Variants in KNDC1 observed in about 807,000 individuals in gnomAD.
KNDC1 encodes the protein kinase non-catalytic C-lobe domain-containing protein 1.
KNDC1 carries 106 observed loss-of-function variants against 172.8 expected under a neutral mutation model. The ratio of observed to expected loss-of-function variants is 0.61; its 90% CI spans 0.52 to 0.72. The LOEUF (loss-of-function observed/expected upper bound fraction) is 0.72. Ranked by LOEUF, KNDC1 falls within the 30% of genes least tolerant of loss-of-function variation. KNDC1 has a pLI of 0.00. For missense variants in KNDC1, 2,325 were observed against 2,394.5 expected (o/e 0.97, Z 0.61); for synonymous variants, 1,083 against 1,062.2 (o/e 1.02, Z -0.38).
At chr10:133,175,711 G>C (rs1438177134) in intron 3 of KNDC1, among the ~76,000 whole-genome samples, 1 of 150,652 alleles carries the variant, frequency 6.6e-6, no homozygotes, top group Non-Finnish European at 1.5e-5. Flanking sequence ...GTCGGATAGG[G>C]ATGGATGTGT....
Position 133,167,525 on chromosome 10 carries a change from G to A in KNDC1, c.247G>A (p.Asp83Asn), listed in dbSNP as rs760388933. 33 of 1,604,076 alleles carry A rather than the reference G, an allele frequency of 2.1e-5. 1 individual carries two copies. The highest frequency in any genetic ancestry group is 1.5e-4 in the Admixed American group (9 of 59,006). The change falls in exon 2 of 30, where the codon GAC becomes AAC. Residue 83 changes from aspartate to asparagine, a missense_variant. Transcript: ENST00000304613. Reference protein sequence around the residue: ...AIFQSLCITPDTLAFNTSGNV... With the variant: ...AIFQSLCITPNTLAFNTSGNV... ...CTTCCAGAGCCTGTGCATCACGCCC[G>A]ACACCCTGGCCTTCAACACCAGCGG...
intron 3 of KNDC1, among the ~76,000 whole-genome samples, chr10:133,181,732 G>A (rs1427076371): frequency 6.6e-6 from 1 of 152,132 alleles, no homozygotes; most frequent in Non-Finnish European, 1.5e-5. Flanking sequence ...AGTGCAGCTG[G>A]GGAGAGAGAA....
rs1170717468 is a variant in KNDC1 at position 133,208,571 on chromosome 10, A to G, written c.3794+1220A>G. ...CCGTTACCCCAAGGACCCTCTAGAG[A>G]GGGACGTGGCCCCACCTCCGACCCC... is the stretch of plus-strand genomic sequence containing the variant. On this transcript the variant is annotated intron_variant, in intron 20 of 29. Coordinates refer to ENST00000304613, the MANE Select transcript of KNDC1 (RefSeq NM_152643.8). Among the ~76,000 whole-genome samples, 2 of 101,872 alleles carry G rather than the reference A, an allele frequency of 2.0e-5. 1 individual carries two copies. Among genetic ancestry groups the G allele is most frequent in the Non-Finnish European group, 4.3e-5 (2 of 46,786 alleles). The allele number at this position is 101,872 out of a possible 152,430, so 66.8% of individuals were successfully genotyped here. A position where few individuals can be genotyped will look rare whatever the true frequency, so the allele number is the denominator to read the frequency against.
intron 14 of KNDC1, 90 bp downstream of exon 14, chr10:133,199,356 C>G: frequency 6.4e-7 from 1 of 1,560,066 alleles, no homozygotes; most frequent in Non-Finnish European, 8.7e-7. Context: ...CTTCCCCCAG[C>G]CCCCCAGCCG....
Position 133,208,263 on chromosome 10 carries a change from C to T in KNDC1, c.3794+912C>T, listed in dbSNP as rs1387992849. On this transcript the variant is annotated intron_variant, in intron 20 of 29. Transcript: ENST00000304613. The stretch of plus-strand genomic sequence containing the variant: ...AGGACCCTCTAGAGAGGGACGTGGC[C>T]CCCCCAACCCCGTTACCCCAAGGAC... 5.6e-4 allele frequency among the ~76,000 whole-genome samples: 62 copies of T among 110,328 alleles called. 1 individual carries two copies. The highest frequency in any genetic ancestry group is 1.9e-3 in the African/African-American group (60 of 30,884). The allele number at this position is 110,328 out of a possible 152,430, so 72.4% of individuals were successfully genotyped here.
At chr10:133,188,797 G>A (rs1853998177) in intron 7 of KNDC1, 144 bp downstream of exon 7, 1 of 580,430 alleles carries the variant, frequency 1.7e-6, no homozygotes, top group Non-Finnish European at 3.1e-6. Flanking sequence ...GCCGTCCCAT[G>A]CGTAACTGGC....
chr10:133,221,687 G>C (rs1589779263), intron 29 of KNDC1, among the ~76,000 whole-genome samples: 1 of 152,256 alleles, frequency 6.6e-6, no homozygotes, highest in Non-Finnish European at 1.5e-5. Flanking sequence ...CCCCTTCTTA[G>C]ATAGCCACCA....
At position 133,195,818 on chromosome 10, in the gene KNDC1, C is replaced by T. The variant is rs751909984; in HGVS notation, c.1731C>T (p.Ile577=). 1.3e-6 allele frequency: 2 copies of T among 1,555,418 alleles called. No homozygotes were observed. The highest frequency in any genetic ancestry group is 2.4e-5 in the South Asian group (2 of 84,580). ...APERPSAAEA[I]KVCGSYLLQR... ...AGCGGCCGTCCGCGGCTGAGGCCAT[C>T]AAGGTAACCACACCACAGTCATGGC... Residue 577 remains isoleucine, a synonymous_variant, in exon 10 of 30, where the codon ATC becomes ATT. Transcript: ENST00000304613.
intron 1 of KNDC1, among the ~76,000 whole-genome samples, chr10:133,162,012 CG>C (rs1487065288): frequency 1.3e-5 from 2 of 152,198 alleles, no homozygotes; most frequent in Non-Finnish European, 2.9e-5. Flanking sequence ...CCAGTGTCCT[CG>C]GGCCGGCCGG....
chr10:133,182,694 A>G (rs1006553385), intron 3 of KNDC1, among the ~76,000 whole-genome samples: 1 of 152,260 alleles, frequency 6.6e-6, no homozygotes, highest in Non-Finnish European at 1.5e-5. Flanking sequence ...CCTTCTACTG[A>G]AATCCAGTTT....
At chr10:133,207,479 C>T (rs1162003515) in intron 20 of KNDC1, 128 bp downstream of exon 20, 20 of 899,022 alleles carry the variant, frequency 2.2e-5, no homozygotes, top group Non-Finnish European at 2.9e-5. Flanking sequence ...AATGTTTAAT[C>T]GGGGTTTAGG....
rs758004298 is a variant in KNDC1 at position 133,188,542 on chromosome 10, G to A, written c.1330G>A (p.Val444Met). 7 of 1,558,060 alleles carry A rather than the reference G, an allele frequency of 4.5e-6. No homozygotes were observed. The highest frequency in any genetic ancestry group is 2.4e-5 in the East Asian group (1 of 42,372). ...QLESAAAEQW[V>M]SLQDLLSQLG... ...CTCGCCGCTCTCCTGCCCACAGTGG[G>A]TGTCCCTGCAGGACCTCCTGTCCCA... The change falls in exon 7 of 30, where the codon GTG becomes ATG. Residue 444 changes from valine (V) to methionine (M), a missense_variant. Coordinates refer to ENST00000304613, the MANE Select transcript of KNDC1 (RefSeq NM_152643.8).
intron 17 of KNDC1, among the ~76,000 whole-genome samples, chr10:133,203,584 C>T (rs563269546): frequency 3.3e-5 from 5 of 152,244 alleles, no homozygotes; most frequent in African/African-American, 1.2e-4. Flanking sequence ...CTACTGGTGC[C>T]GGCCGTGTGT....
chr10:133,168,769 A>C (rs958932882), intron 3 of KNDC1, among the ~76,000 whole-genome samples: 2 of 152,222 alleles, frequency 1.3e-5, no homozygotes, highest in Non-Finnish European at 2.9e-5. Context: ...CAAGGCCTCC[A>C]GGCACAGCTC....
chr10:133,165,145 A>C, intron 1 of KNDC1, among the ~76,000 whole-genome samples: 1 of 152,204 alleles, frequency 6.6e-6, no homozygotes, highest in East Asian at 1.9e-4. Context: ...GGCTGAGACC[A>C]TCCTATCCCT....
intron 1 of KNDC1, among the ~76,000 whole-genome samples, chr10:133,161,337 G>A (rs1353652767): frequency 1.3e-5 from 2 of 152,200 alleles, no homozygotes; most frequent in Admixed American, 6.5e-5. Context: ...ACAGGCAAGA[G>A]CCCAGACGCT....
intron 25 of KNDC1, 108 bp from the exon 26 acceptor site, chr10:133,213,864 G>C: frequency 6.7e-7 from 1 of 1,481,842 alleles, no homozygotes; most frequent in Non-Finnish European, 9.4e-7. Flanking sequence ...CTGCCAGTTG[G>C]AGCGGCCTCG....
rs766503481 is a variant in KNDC1, at chr10:133,212,931, G to A, written c.4443+9G>A. On this transcript the variant is annotated intron_variant, in intron 24 of 29. Coordinates refer to ENST00000304613, the MANE Select transcript of KNDC1 (RefSeq NM_152643.8). ...TCACGCTGCTACAGCAGGTGAGGAGGGCGAGGATCTGCGCCCAGGTCACCT... is the reference window on the plus strand; with the variant it reads ...TCACGCTGCTACAGCAGGTGAGGAGAGCGAGGATCTGCGCCCAGGTCACCT... The A allele has an allele frequency of 1.7e-5, 28 of 1,605,802 alleles. No homozygotes were observed. Among genetic ancestry groups the A allele is most frequent in the Non-Finnish European group, 2.3e-5 (27 of 1,174,330 alleles).
At chr10:133,188,046 G>A (rs1397242076) in intron 6 of KNDC1, among the ~76,000 whole-genome samples, 1 of 152,114 alleles carries the variant, frequency 6.6e-6, no homozygotes, top group Non-Finnish European at 1.5e-5. Context: ...TGTCCTCACG[G>A]TTCCTCCCCA....
Sources: allele counts gnomAD v4.1 joint callset (sites outside exome capture counted in the v4.1 genomes callset), GRCh38; gene constraint gnomAD v4.1.1; transcripts MANE v1.5; gene names NCBI Gene and HGNC (gene_info 2026-07-23, HGNC 2026-07-21).